The following ERBB4 variants were observed in gnomAD, a reference collection of about 807,000 sequenced individuals.
ERBB4 encodes receptor tyrosine-protein kinase erbB-4.
ERBB4 carries 42 observed loss-of-function variants against 158.0 expected under a neutral mutation model. That is an observed-to-expected ratio of 0.27 (90% CI 0.21 to 0.34). The LOEUF (loss-of-function observed/expected upper bound fraction) is 0.34, where lower values mean the gene tolerates loss of function less well. Among genes scored for constraint, ERBB4 ranks in the 10% least tolerant of loss-of-function variants. ERBB4 has a pLI of 1.00. For synonymous variants in ERBB4, 583 were observed against 558.7 expected (o/e 1.04, Z -0.61); for missense variants, 1,333 against 1,624.1 (o/e 0.82, Z 3.08).
At chr2:212,382,815 AACAATTTAT>A (rs1453857608) in intron 1 of ERBB4, among the ~76,000 whole-genome samples, 1 of 151,292 alleles carries the variant, frequency 6.6e-6, no homozygotes, top group Non-Finnish European at 1.5e-5. Flanking sequence ...AGAGAAGTTA[AACAATTTAT>A]CATGTTTTTT....
At chr2:211,964,846 C>T (rs576560553) in intron 2 of ERBB4, among the ~76,000 whole-genome samples, 1 of 152,110 alleles carries the variant, frequency 6.6e-6, no homozygotes, top group Non-Finnish European at 1.5e-5. Context: ...ACTAGAAATA[C>T]TATTTTTTTA....
At chr2:211,871,447 C>T (rs1210383260) in intron 3 of ERBB4, among the ~76,000 whole-genome samples, 4 of 151,834 alleles carry the variant, frequency 2.6e-5, no homozygotes, top group Non-Finnish European at 5.9e-5. Flanking sequence ...TAGACTCCAT[C>T]TCTCTACCAT....
At chr2:211,689,536 C>G (rs2072712802) in intron 12 of ERBB4, among the ~76,000 whole-genome samples, 1 of 151,858 alleles carries the variant, frequency 6.6e-6, no homozygotes, top group African/African-American at 2.4e-5. Flanking sequence ...ATCACCAGTT[C>G]CCAAAAAGTA....
At chr2:212,319,457 G>A (rs971725456) in intron 1 of ERBB4, among the ~76,000 whole-genome samples, 1 of 150,186 alleles carries the variant, frequency 6.7e-6, no homozygotes, top group African/African-American at 2.4e-5. Context: ...ACAAGTACTT[G>A]GCCCAGGTTT....
intron 1 of ERBB4, among the ~76,000 whole-genome samples, chr2:212,141,350 C>G (rs1175450357): frequency 6.6e-6 from 1 of 151,824 alleles, no homozygotes; most frequent in Non-Finnish European, 1.5e-5. Flanking sequence ...AACTTGGCTC[C>G]CTGGTTCCCT....
chr2:211,469,746 C>T (rs968625136), intron 20 of ERBB4, among the ~76,000 whole-genome samples: 3 of 152,134 alleles, frequency 2.0e-5, no homozygotes, highest in African/African-American at 2.4e-5. Flanking sequence ...AAATCTTTGT[C>T]GTGCAAGTAT....
Position 211,987,270 on chromosome 2 carries a change from G to A in ERBB4, c.235-39654C>T, listed in dbSNP as rs559315910. Among the ~76,000 whole-genome samples the A allele has an allele frequency of 3.6e-5, 5 of 139,226 alleles. No homozygotes were observed. The South Asian group carries it at 9.2e-4, about 26-fold the overall frequency. The allele number at this position is 139,226 out of a possible 152,430, so 91.3% of individuals were successfully genotyped here. A position where few individuals can be genotyped will look rare whatever the true frequency, so the allele number is the denominator to read the frequency against. On this transcript the variant is annotated intron_variant, in intron 2 of 27. Coordinates refer to ENST00000342788, the MANE Select transcript of ERBB4 (RefSeq NM_005235.3). ...CAGGAGGTAGAGGTTGCAGTGAGCC[G>A]AGATCGTGCCACTATACTCCAGCCT...
chr2:211,426,487 G>A (rs544447656), intron 22 of ERBB4, among the ~76,000 whole-genome samples: 1 of 152,152 alleles, frequency 6.6e-6, no homozygotes, highest in South Asian at 2.1e-4. Flanking sequence ...TGATGACCTG[G>A]GCTGTGTTTC....
chr2:212,116,101 T>C (rs1425044009), intron 2 of ERBB4, among the ~76,000 whole-genome samples: 1 of 151,924 alleles, frequency 6.6e-6, no homozygotes, highest in Non-Finnish European at 1.5e-5. Context: ...ACTAGAAACA[T>C]TATATAAGGT....
At chr2:211,534,650 C>T (rs754439669) in intron 20 of ERBB4, among the ~76,000 whole-genome samples, 38 of 152,048 alleles carry the variant, frequency 2.5e-4, no homozygotes, top group Non-Finnish European at 5.0e-4. Context: ...TATCTTGCTT[C>T]TCATGTTAAA....
chr2:212,036,977 C>A (rs1055263252), intron 2 of ERBB4, among the ~76,000 whole-genome samples: 1 of 152,060 alleles, frequency 6.6e-6, no homozygotes, highest in Non-Finnish European at 1.5e-5. Flanking sequence ...CTTGGTAGAA[C>A]AGTTTGAGGG....
At chr2:212,441,884 G>T (rs1488511370) in intron 1 of ERBB4, among the ~76,000 whole-genome samples, 1 of 152,178 alleles carries the variant, frequency 6.6e-6, no homozygotes, top group Non-Finnish European at 1.5e-5. Flanking sequence ...AGCTAGGAGG[G>T]TCCAGAAGAT....
chr2:211,487,612 C>A (rs1184604090), intron 20 of ERBB4, among the ~76,000 whole-genome samples: 1 of 152,054 alleles, frequency 6.6e-6, no homozygotes, highest in Non-Finnish European at 1.5e-5. Context: ...TTTTCCAAAA[C>A]AATGGCGTTG....
At chr2:212,336,223 T>C (rs2088436842) in intron 1 of ERBB4, among the ~76,000 whole-genome samples, 2 of 152,056 alleles carry the variant, frequency 1.3e-5, no homozygotes, top group African/African-American at 2.4e-5. Context: ...CTTCCTTTAA[T>C]TGAGGACTTG....
chr2:212,032,256 T>A (rs2076920561), intron 2 of ERBB4, among the ~76,000 whole-genome samples: 1 of 152,052 alleles, frequency 6.6e-6, no homozygotes, highest in Non-Finnish European at 1.5e-5. Context: ...TGTGTGTTTA[T>A]TCTGGGTTGC....
At chr2:212,316,922 T>A (rs1379917081) in intron 1 of ERBB4, among the ~76,000 whole-genome samples, 2 of 151,538 alleles carry the variant, frequency 1.3e-5, no homozygotes, top group Non-Finnish European at 3.0e-5. Flanking sequence ...TTAATCTATT[T>A]TATGTACTCA....
chr2:212,535,921 T>C (rs1292674929), intron 1 of ERBB4, among the ~76,000 whole-genome samples: 2 of 152,244 alleles, frequency 1.3e-5, no homozygotes, highest in Non-Finnish European at 2.9e-5. Flanking sequence ...GCATTCCTTC[T>C]GCTTAAGAAA....
At chr2:211,923,428 A>G (rs1190519001) in intron 3 of ERBB4, among the ~76,000 whole-genome samples, 1 of 152,196 alleles carries the variant, frequency 6.6e-6, no homozygotes, top group East Asian at 1.9e-4. Context: ...AAATGTGCAG[A>G]TGAATTTTTC....
intron 2 of ERBB4, among the ~76,000 whole-genome samples, chr2:212,106,408 G>A (rs2079227870): frequency 6.6e-6 from 1 of 152,212 alleles, no homozygotes. Flanking sequence ...ACTTGAGAGA[G>A]ATAATTTAGG....
Sources: gnomAD v4.1 joint callset for allele counts (sites outside exome capture counted in the v4.1 genomes callset) on GRCh38, gnomAD v4.1.1 for gene constraint, MANE v1.5 for transcripts, NCBI Gene and HGNC (gene_info 2026-07-23, HGNC 2026-07-21) for gene names.